Variants in EPN1 observed in about 807,000 individuals in gnomAD.
EPN1 encodes epsin 1, also known as epsin-1.
In EPN1, 25 loss-of-function variants were observed where a neutral mutation model predicts 56.9. The observed-to-expected ratio is 0.44, with a 90% CI of 0.32 to 0.61. EPN1 has a LOEUF of 0.61. Ranked by LOEUF, EPN1 falls within the 20% of genes least tolerant of loss-of-function variation. The pLI, the probability that EPN1 is intolerant of heterozygous loss-of-function variation, is 0.05. For missense variants in EPN1, 785 were observed against 823.7 expected, an observed-to-expected ratio of 0.95 and a Z score of 0.58; for synonymous variants, 411 against 361.8, an observed-to-expected ratio of 1.14 and a Z score of -1.54.
intron 3 of EPN1, among the ~76,000 whole-genome samples, chr19:55,687,560 C>T (rs1986250095): frequency 6.6e-6 from 1 of 151,322 alleles, no homozygotes; most frequent in Non-Finnish European, 1.5e-5. Flanking sequence ...GCACTCACCT[C>T]TGAGAGTCCC....
At chr19:55,675,589 G>A (rs1985342296) in intron 1 of EPN1, among the ~76,000 whole-genome samples, 154 bp downstream of exon 1, 1 of 152,200 alleles carries the variant, frequency 6.6e-6, no homozygotes, top group Non-Finnish European at 1.5e-5. Flanking sequence ...CTGCCCCCGT[G>A]TCGGTTGTCT....
rs762934669 is a variant in EPN1, at chr19:55,689,623, C to A, written c.679-244C>A. The stretch of plus-strand genomic sequence containing the variant: ...CTTCCTCCCCCCAACGCAGGAGATA[C>A]CACCGAGGCGGGTGCCCGTCCTCCC... On this transcript the variant is annotated intron_variant, in intron 5 of 10. Coordinates refer to ENST00000270460, the MANE Select transcript of EPN1 (RefSeq NM_001130072.2). The surrounding 1 kb of genome is among the most constrained non-coding windows in gnomAD (Gnocchi z 5.7). 2.0e-5 allele frequency among the ~76,000 whole-genome samples: 3 copies of A among 152,214 alleles called. No individual in the cohort carries two copies. The highest frequency in any genetic ancestry group is 2.9e-5 in the Non-Finnish European group (2 of 68,030).
At chr19:55,682,481 T>C (rs1355450487) in intron 2 of EPN1, among the ~76,000 whole-genome samples, 2 of 150,000 alleles carry the variant, frequency 1.3e-5, no homozygotes, top group Non-Finnish European at 3.0e-5. Context: ...TGCGTTGACA[T>C]GTTCTCGGCT....
At chr19:55,679,300 C>T (rs1272848222) in intron 2 of EPN1, among the ~76,000 whole-genome samples, 2 of 152,266 alleles carry the variant, frequency 1.3e-5, no homozygotes, top group Admixed American at 1.3e-4. Context: ...CAGTTTGCTG[C>T]TCTTGGGGTC....
intron 2 of EPN1, 77 bp downstream of exon 2, chr19:55,678,932 C>A: frequency 1.0e-6 from 1 of 986,450 alleles, no homozygotes; most frequent in Non-Finnish European, 1.5e-6. Context: ...GTGCACCCTG[C>A]CTGGGATGGC....
rs770132295 is a variant in EPN1, at chr19:55,689,280, C to T, written c.604-17C>T. ...CTGGCCCCTCCCGTCATGCCCCTCA[C>T]ACTCTCTCTCCCCCAGCCCCCGTCC... On this transcript the variant is annotated splice_polypyrimidine_tract_variant and intron_variant, in intron 4 of 10. Coordinates refer to ENST00000270460, the MANE Select transcript of EPN1 (RefSeq NM_001130072.2). This position sits in a 1 kb window ranked among gnomAD's most constrained non-coding sequence, Gnocchi z 5.7. 5 of 1,539,656 alleles carry T rather than the reference C, an allele frequency of 3.2e-6. No individual in the cohort carries two copies. Among genetic ancestry groups the T allele is most frequent in the African/African-American group, 2.7e-5 (2 of 72,738 alleles).
intron 9 of EPN1, among the ~76,000 whole-genome samples, chr19:55,693,655 A>G (rs554150393): frequency 6.6e-5 from 10 of 152,338 alleles, no homozygotes; most frequent in East Asian, 1.9e-4. Flanking sequence ...TGTCTGTCCC[A>G]TGATGAGTCA....
Position 55,706,796 on chromosome 19 carries a change from TG to T in EPN1, c.*11441del, listed in dbSNP as rs1987445460. ...GCTTGTGCCTGTAATCCCAGCAGTT[TG>T]AGAGGCTGAAGTGGGAGGATCACTT... On this transcript the variant is annotated 3_prime_UTR_variant, in exon 11 of 11. Transcript: ENST00000270460. 6.6e-6 allele frequency: 1 copy of T among 151,766 alleles called. No homozygotes were observed. Among genetic ancestry groups the T allele is most frequent in the African/African-American group, 2.4e-5 (1 of 41,222 alleles). 9.4% of individuals were successfully genotyped at this position (151,766 alleles called of 1,614,324 possible). A position where few individuals can be genotyped will look rare whatever the true frequency, so the allele number is the denominator to read the frequency against.
intron 1 of EPN1, among the ~76,000 whole-genome samples, chr19:55,675,898 C>T (rs1160823983): frequency 6.6e-6 from 1 of 152,192 alleles, no homozygotes; most frequent in Non-Finnish European, 1.5e-5. Flanking sequence ...GCCCCCATAC[C>T]TATCACCTCC....
intron 2 of EPN1, among the ~76,000 whole-genome samples, chr19:55,681,181 C>T (rs1017977411): frequency 1.3e-5 from 2 of 152,230 alleles, no homozygotes; most frequent in African/African-American, 2.4e-5. Context: ...CTCTGCACGG[C>T]CTCCCTGCAT....
intron 1 of EPN1, chr19:55,677,320 A>G: frequency 1.3e-6 from 1 of 782,174 alleles, no homozygotes; most frequent in Non-Finnish European, 2.2e-6. Context: ...CTGAGTTAAT[A>G]CATGTAAAGC....
chr19:55,692,794 C>A lies in EPN1; in HGVS notation c.1175C>A (p.Thr392Lys). Residue 392 changes from threonine to lysine, a missense_variant and splice_region_variant, in exon 8 of 11, where the codon ACA becomes AAA. By Grantham distance (78) the Thr-to-Lys change is moderately conservative (BLOSUM62 -1). Coordinates refer to ENST00000270460, the MANE Select transcript of EPN1 (RefSeq NM_001130072.2). ...SPAKPSTNGT[T>K]AAGGFDTEPD... The stretch of plus-strand genomic sequence containing the variant: ...GCCAAGCCCAGCACCAATGGCACAA[C>A]AGGTACTGGAATGGGGGTGGGAATG... 1 of 1,596,862 alleles carries A rather than the reference C, an allele frequency of 6.3e-7. No homozygotes were observed. The highest frequency in any genetic ancestry group is 1.7e-5 in the Admixed American group (1 of 57,302).
intron 1 of EPN1, chr19:55,677,291 G>C (rs1985502692): frequency 2.2e-6 from 2 of 909,078 alleles, no homozygotes; most frequent in Non-Finnish European, 3.6e-6. Context: ...ATGAATCATG[G>C]GGTTGTTTCA....
In EPN1 at chr19:55,698,922, G is replaced by GT. The variant is rs1191484623; in HGVS notation, c.*3567dup. 1 of 151,372 alleles carries GT rather than the reference G, an allele frequency of 6.6e-6. No individual in the cohort carries two copies. 9.4% of individuals were successfully genotyped at this position (151,372 alleles called of 1,614,324 possible). A position where few individuals can be genotyped will look rare whatever the true frequency, so the allele number is the denominator to read the frequency against. On this transcript the variant is annotated 3_prime_UTR_variant, in exon 11 of 11. Transcript: ENST00000270460. ...CACCACGCCCAGCTAATTTTTTTTT[G>GT]TATTTTTAGTACAGACGGGGTTTCA...
At chr19:55,693,092 C>G (rs374079281) in intron 9 of EPN1, 55 bp downstream of exon 9, 4 of 1,540,284 alleles carry the variant, frequency 2.6e-6, no homozygotes, top group Admixed American at 3.4e-5. Context: ...CCTAGCTCTT[C>G]GGGAGCCCCG....
Position 55,709,189 on chromosome 19 carries a change from C to G in EPN1, c.*13833C>G. ...AATTGTACTGAATTTGAAAAACAAG[C>G]ATGAATCTTTCCTATAGGATAGGAA... On this transcript the variant is annotated 3_prime_UTR_variant, in exon 11 of 11. Transcript: ENST00000270460. 1 of 550,972 alleles carries G rather than the reference C, an allele frequency of 1.8e-6. No individual in the cohort carries two copies. Among genetic ancestry groups the G allele is most frequent in the South Asian group, 3.4e-5 (1 of 29,772 alleles). 34.1% of individuals were successfully genotyped at this position (550,972 alleles called of 1,614,324 possible).
chr19:55,699,926 A>G lies in EPN1; in HGVS notation c.*4570A>G, dbSNP rs1568585457. The G allele has an allele frequency of 6.8e-6, 1 of 146,690 alleles. No individual in the cohort carries two copies. 9.1% of individuals were successfully genotyped at this position (146,690 alleles called of 1,614,324 possible). On this transcript the variant is annotated 3_prime_UTR_variant, in exon 11 of 11. Coordinates refer to ENST00000270460, the MANE Select transcript of EPN1 (RefSeq NM_001130072.2). The stretch of plus-strand genomic sequence containing the variant: ...GATATTTATAATTTCCTAAAGCACT[A>G]TTTTTTTTTTTTGAGACAGAGTCTT...
At chr19:55,675,639 G>T (rs1985348440) in intron 1 of EPN1, among the ~76,000 whole-genome samples, 2 of 152,168 alleles carry the variant, frequency 1.3e-5, no homozygotes, top group Non-Finnish European at 2.9e-5. Context: ...GTCAGCGTCT[G>T]TTTCCTGTGG....
In EPN1 at chr19:55,706,079, C is replaced by A; in HGVS notation, c.*10723C>A. Reference sequence around the variant, plus strand: ...GAATGTCCATTGGTTGGGGAACAACCCAGCTTTAGTTTTTCCAGATTCTCT... The same window carrying A: ...GAATGTCCATTGGTTGGGGAACAACACAGCTTTAGTTTTTCCAGATTCTCT... On this transcript the variant is annotated 3_prime_UTR_variant, in exon 11 of 11. Coordinates refer to ENST00000270460, the MANE Select transcript of EPN1 (RefSeq NM_001130072.2). The A allele has an allele frequency of 4.1e-6, 1 of 244,528 alleles. No individual in the cohort carries two copies. Among genetic ancestry groups the A allele is most frequent in the Non-Finnish European group, 8.2e-6 (1 of 121,742 alleles). The allele number at this position is 244,528 out of a possible 1,614,324, so 15.1% of individuals were successfully genotyped here.
Sources: allele counts gnomAD v4.1 joint callset (sites outside exome capture counted in the v4.1 genomes callset), GRCh38; gene constraint gnomAD v4.1.1; non-coding constraint Gnocchi (gnomAD v3.1); transcripts MANE v1.5; gene names NCBI Gene and HGNC (gene_info 2026-07-23, HGNC 2026-07-21).